SLCO1B1: variants seen among roughly 807,000 people sequenced by gnomAD.
SLCO1B1 encodes OATP-2.
SLCO1B1 carries 81 observed loss-of-function variants against 70.1 expected under a neutral mutation model. The observed-to-expected ratio is 1.16, with a 90% CI of 0.97 to 1.39. The LOEUF is 1.39. SLCO1B1 is among the 40% of genes most tolerant of loss of function. SLCO1B1 has a pLI of 0.00. For synonymous variants in SLCO1B1, 283 were observed against 271.5 expected, an observed-to-expected ratio of 1.04 and a Z score of -0.42; for missense variants, 895 against 799.6, an observed-to-expected ratio of 1.12 and a Z score of -1.44.
intron 2 of SLCO1B1, among the ~76,000 whole-genome samples, chr12:21,142,070 T>A (rs114213427): frequency 0.076 from 11,163 of 147,498 alleles, 1,217 homozygotes; most frequent in African/African-American, 0.25. Flanking sequence ...AAAATTCTTT[T>A]AAAAAAAAAA....
chr12:21,209,039 T>A (rs1350274190), intron 11 of SLCO1B1, among the ~76,000 whole-genome samples: 3 of 151,088 alleles, frequency 2.0e-5, no homozygotes, highest in African/African-American at 7.3e-5. Context: ...TATTTAGGGT[T>A]TTTTTTTAAT....
At chr12:21,150,868 G>T (rs981165295) in intron 2 of SLCO1B1, among the ~76,000 whole-genome samples, 1 of 152,010 alleles carries the variant, frequency 6.6e-6, no homozygotes, top group South Asian at 2.1e-4. Context: ...ACATATAGTT[G>T]GTTCTTGTTA....
intron 2 of SLCO1B1, among the ~76,000 whole-genome samples, chr12:21,144,587 T>C (rs1940356670): frequency 6.6e-6 from 1 of 151,960 alleles, no homozygotes; most frequent in African/African-American, 2.4e-5. Flanking sequence ...CTATACAAGA[T>C]GGTCATCCAC....
intron 2 of SLCO1B1, among the ~76,000 whole-genome samples, chr12:21,168,731 G>A (rs1268301819): frequency 6.6e-6 from 1 of 152,052 alleles, no homozygotes; most frequent in Admixed American, 6.6e-5. Flanking sequence ...TTTAAATTGG[G>A]TTGTTCTTTG....
chr12:21,196,781 C>T (rs191658237), intron 7 of SLCO1B1, among the ~76,000 whole-genome samples, 165 bp from the exon 8 acceptor site: 3 of 152,122 alleles, frequency 2.0e-5, no homozygotes, highest in Admixed American at 2.0e-4. Context: ...ATTATGTCAT[C>T]AAATGTTAGA....
At chr12:21,145,834 G>A (rs1382056268) in intron 2 of SLCO1B1, among the ~76,000 whole-genome samples, 1 of 152,090 alleles carries the variant, frequency 6.6e-6, no homozygotes, top group Non-Finnish European at 1.5e-5. Context: ...CTGAATGCAA[G>A]TGGTGCTGGT....
intron 7 of SLCO1B1, among the ~76,000 whole-genome samples, chr12:21,195,637 T>A (rs1160141435): frequency 6.6e-6 from 1 of 152,102 alleles, no homozygotes; most frequent in Non-Finnish European, 1.5e-5. Context: ...AATGTTAGGT[T>A]TGTGGTCGAA....
chr12:21,206,141 G>C, intron 11 of SLCO1B1, 108 bp downstream of exon 11: 1 of 955,588 alleles, frequency 1.0e-6, no homozygotes, highest in Non-Finnish European at 1.6e-6. Flanking sequence ...AAAGATAAAA[G>C]AGAAAGTTTC....
At chr12:21,222,389 A>ATATATATATAT (rs1941434112) in intron 13 of SLCO1B1, 25 bp downstream of exon 13, 1 of 348,168 alleles carries the variant, frequency 2.9e-6, no homozygotes, top group African/African-American at 3.6e-5. Context: ...AAAAAAAAAA[A>ATATATATATAT]AAAAAAAAAT....
At chr12:21,217,045 T>G in intron 11 of SLCO1B1, 74 bp from the exon 12 acceptor site, 1 of 1,089,852 alleles carries the variant, frequency 9.2e-7, no homozygotes, top group East Asian at 2.4e-5. Flanking sequence ...CTTCACTAAA[T>G]ATAATGCAAT....
At chr12:21,184,024 C>A (rs9634094) in intron 7 of SLCO1B1, among the ~76,000 whole-genome samples, 137,820 of 151,910 alleles carry the variant, frequency 0.91, 64,023 homozygotes, top group East Asian at 1. Context: ...TTTTATAATC[C>A]ACTCCATCAG....
chr12:21,206,067 C>T, intron 11 of SLCO1B1, 34 bp downstream of exon 11: 1 of 1,559,076 alleles, frequency 6.4e-7, no homozygotes, highest in East Asian at 2.2e-5. Flanking sequence ...TCTCCTTATT[C>T]AAAAGCACAG....
In SLCO1B1 at chr12:21,223,019, ACT is replaced by A. The variant is rs1415869502; in HGVS notation, c.1747+658_1747+659del. On this transcript the variant is annotated intron_variant, in intron 13 of 14. Transcript: ENST00000256958. ...GTTTTGTGTGTCTCTAATCTCCCAG[ACT>A]CTGTACATTCTGGCAGGTTTCTACC... Among the ~76,000 whole-genome samples the A allele has an allele frequency of 3.9e-5, 6 of 152,022 alleles. No individual in the cohort carries two copies. In the East Asian group the frequency reaches 1.2e-3, roughly 29 times the overall value.
At chr12:21,221,494 G>GA (rs1941423533) in intron 12 of SLCO1B1, among the ~76,000 whole-genome samples, 1 of 151,724 alleles carries the variant, frequency 6.6e-6, no homozygotes, top group Non-Finnish European at 1.5e-5. Flanking sequence ...TACAGGAAGG[G>GA]AAAAAATATT....
rs1219783036 is a variant in SLCO1B1 at position 21,239,334 on chromosome 12, T to A, written c.*145T>A. 4 of 699,028 alleles carry A rather than the reference T, an allele frequency of 5.7e-6. No homozygotes were observed. Among genetic ancestry groups the A allele is most frequent in the Non-Finnish European group, 1.0e-5 (4 of 388,114 alleles). 43.3% of individuals were successfully genotyped at this position (699,028 alleles called of 1,614,324 possible). A position where few individuals can be genotyped will look rare whatever the true frequency, so the allele number is the denominator to read the frequency against. On this transcript the variant is annotated 3_prime_UTR_variant, in exon 15 of 15. Transcript: ENST00000256958. ...TGGAAGTATAAATAAGCCTATGAAC[T>A]TATAATAAAACAAACTGTAGGTAGA...
At chr12:21,160,458 C>T (rs1940603429) in intron 2 of SLCO1B1, among the ~76,000 whole-genome samples, 1 of 151,636 alleles carries the variant, frequency 6.6e-6, no homozygotes, top group Non-Finnish European at 1.5e-5. Context: ...CTTCCTTACA[C>T]CATACATAAA....
At chr12:21,196,893 C>T (rs1591816866) in intron 7 of SLCO1B1, 53 bp from the exon 8 acceptor site, 1 of 1,542,912 alleles carries the variant, frequency 6.5e-7, no homozygotes, top group Non-Finnish European at 9.0e-7. Flanking sequence ...TTTCCCTGAA[C>T]CTATTGTATT....
At position 21,183,436 on chromosome 12, in the gene SLCO1B1, T is replaced by G. The variant is rs1940929355; in HGVS notation, c.727+4416T>G. 1.3e-5 allele frequency among the ~76,000 whole-genome samples: 2 copies of G among 152,176 alleles called. 1 individual carries two copies. Among genetic ancestry groups the G allele is most frequent in the Non-Finnish European group, 2.9e-5 (2 of 68,028 alleles). ...ATCTCAAACTTCTGGCCTCAAGTGATCCTCCCACCTTAGCCTGGCAAAGTG... is the reference window on the plus strand; with the variant it reads ...ATCTCAAACTTCTGGCCTCAAGTGAGCCTCCCACCTTAGCCTGGCAAAGTG... On this transcript the variant is annotated intron_variant, in intron 7 of 14. Coordinates refer to ENST00000256958, the MANE Select transcript of SLCO1B1 (RefSeq NM_006446.5).
At chr12:21,149,158 A>AT (rs1479722735) in intron 2 of SLCO1B1, among the ~76,000 whole-genome samples, 2 of 152,096 alleles carry the variant, frequency 1.3e-5, no homozygotes, top group Non-Finnish European at 2.9e-5. Context: ...ATACAATCAT[A>AT]TCATCTGCAA....
Sources: gnomAD v4.1 joint callset for allele counts (sites outside exome capture counted in the v4.1 genomes callset) on GRCh38, gnomAD v4.1.1 for gene constraint, MANE v1.5 for transcripts, NCBI Gene and HGNC (gene_info 2026-07-23, HGNC 2026-07-21) for gene names.